The following EPB41L4A variants were observed in gnomAD, a reference collection of about 807,000 sequenced individuals.
The protein encoded by EPB41L4A is erythrocyte membrane protein band 4.1 like 4A, also known as band 4.1-like protein 4A.
In EPB41L4A, 100 loss-of-function variants were observed where a neutral mutation model predicts 108.6. The observed-to-expected ratio is 0.92, with a 90% CI of 0.78 to 1.09. The LOEUF (loss-of-function observed/expected upper bound fraction) is 1.09, where lower values mean the gene tolerates loss of function less well. EPB41L4A is among the 50% of genes least tolerant of loss of function. The pLI, the probability that EPB41L4A is intolerant of heterozygous loss-of-function variation, is 0.00. For missense variants in EPB41L4A, 1,030 were observed against 842.7 expected (o/e 1.22, Z -2.75); for synonymous variants, 319 against 289.0 (o/e 1.10, Z -1.05).
chr5:112,409,759 C>G (rs575034785), intron 1 of EPB41L4A, among the ~76,000 whole-genome samples: 1 of 152,230 alleles, frequency 6.6e-6, no homozygotes, highest in African/African-American at 2.4e-5. Context: ...CAGCTGCTAC[C>G]ACTCACCGGG....
chr5:112,384,765 C>T lies in EPB41L4A; in HGVS notation c.99+34176G>A, dbSNP rs916710684. Among the ~76,000 whole-genome samples the T allele has an allele frequency of 6.0e-5, 8 of 133,992 alleles. No individual in the cohort carries two copies. In the East Asian group the frequency reaches 6.5e-4, roughly 11 times the overall value. 87.9% of individuals were successfully genotyped at this position (133,992 alleles called of 152,430 possible). A position where few individuals can be genotyped will look rare whatever the true frequency, so the allele number is the denominator to read the frequency against. On this transcript the variant is annotated intron_variant, in intron 1 of 22. Transcript: ENST00000261486. ...AGAAAGAGAAACAAGGAAAGAGAAA[C>T]GGAAGGAAGGAAGGAAGGAGAAGAA...
chr5:112,157,247 C>T (rs926567450), intron 12 of EPB41L4A, among the ~76,000 whole-genome samples: 10 of 151,816 alleles, frequency 6.6e-5, no homozygotes, highest in Non-Finnish European at 8.8e-5. Flanking sequence ...ACTGGTTATC[C>T]CTAGAACTCA....
At chr5:112,318,472 A>G (rs961210405) in intron 1 of EPB41L4A, among the ~76,000 whole-genome samples, 20 of 152,208 alleles carry the variant, frequency 1.3e-4, no homozygotes, top group African/African-American at 4.6e-4. Context: ...TTGAGAATAC[A>G]TAAGAAGTTG....
upstream of EPB41L4A, chr5:112,419,391 G>A (rs1195317071): frequency 8.4e-6 from 3 of 356,718 alleles, no homozygotes; most frequent in Non-Finnish European, 1.6e-5. Context: ...TCCTGGCACT[G>A]GGGGCAAGAG....
intron 9 of EPB41L4A, chr5:112,257,247 A>C (rs1751162591): frequency 6.6e-6 from 1 of 152,238 alleles, no homozygotes; most frequent in Non-Finnish European, 1.5e-5. Context: ...TACTTAGGAA[A>C]CAGAATGCTT....
At chr5:112,380,199 G>A (rs750208189) in intron 1 of EPB41L4A, among the ~76,000 whole-genome samples, 1 of 152,060 alleles carries the variant, frequency 6.6e-6, no homozygotes, top group African/African-American at 2.4e-5. Flanking sequence ...GAAGAAACTC[G>A]TGCTACCAAA....
chr5:112,161,207 C>T, downstream of EPB41L4A: 1 of 206,614 alleles, frequency 4.8e-6, no homozygotes, highest in South Asian at 5.0e-5. Flanking sequence ...GCTTGCCCTG[C>T]CCCCGTATAA....
chr5:112,274,740 TG>T lies in EPB41L4A; in HGVS notation c.335+585del, dbSNP rs1405495083. On this transcript the variant is annotated intron_variant, in intron 4 of 22. Coordinates refer to ENST00000261486, the MANE Select transcript of EPB41L4A (RefSeq NM_022140.5). ...GTTCCTTATGAGCCCTTTCAGTTGTTGACATGTACTATTTTGACAACCTAAT... is the reference window on the plus strand; with the variant it reads ...GTTCCTTATGAGCCCTTTCAGTTGTTACATGTACTATTTTGACAACCTAAT... Among the ~76,000 whole-genome samples the T allele has an allele frequency of 1.2e-4, 19 of 152,334 alleles. No individual in the cohort carries two copies. The East Asian group carries it at 3.7e-3, about 29-fold the overall frequency.
At chr5:112,347,949 G>A (rs528854152) in intron 1 of EPB41L4A, among the ~76,000 whole-genome samples, 6 of 152,076 alleles carry the variant, frequency 3.9e-5, no homozygotes, top group African/African-American at 7.2e-5. Context: ...CTTCCTCTAC[G>A]GGAAACCTTC....
intron 4 of EPB41L4A, among the ~76,000 whole-genome samples, chr5:112,274,405 A>C (rs1482437052): frequency 6.6e-6 from 1 of 152,200 alleles, no homozygotes; most frequent in African/African-American, 2.4e-5. Flanking sequence ...TGAGGCCTAA[A>C]TATGGCACTT....
At chr5:112,414,777 A>G (rs1762610105) in intron 1 of EPB41L4A, among the ~76,000 whole-genome samples, 1 of 152,224 alleles carries the variant, frequency 6.6e-6, no homozygotes, top group Non-Finnish European at 1.5e-5. Flanking sequence ...GACTTCTTGT[A>G]AAATTGAGGG....
intron 9 of EPB41L4A, among the ~76,000 whole-genome samples, chr5:112,251,659 G>A (rs774967754): frequency 8.5e-5 from 13 of 152,154 alleles, no homozygotes; most frequent in Admixed American, 2.0e-4. Context: ...GAAGCATGGC[G>A]GAACAGGGTG....
chr5:112,395,292 A>G (rs1038916955), intron 1 of EPB41L4A, among the ~76,000 whole-genome samples: 18 of 152,228 alleles, frequency 1.2e-4, no homozygotes, highest in African/African-American at 3.9e-4. Context: ...AGAAACTACC[A>G]TCAGAGTGAA....
Position 112,195,882 on chromosome 5 carries a change from TATA to T in EPB41L4A, c.1377-177_1377-175del, listed in dbSNP as rs1326881440. On this transcript the variant is annotated intron_variant, in intron 15 of 22. Transcript: ENST00000261486. The stretch of plus-strand genomic sequence containing the variant: ...CCCTACATACAACACGTCCCAGAAA[TATA>T]ATGTTAATAACATCACCTGGCCTCA... Among the ~76,000 whole-genome samples, 7 of 152,274 alleles carry T rather than the reference TATA, an allele frequency of 4.6e-5. No individual in the cohort carries two copies. The East Asian group carries it at 9.7e-4, about 21-fold the overall frequency.
chr5:112,327,632 T>G (rs983253551), intron 1 of EPB41L4A, among the ~76,000 whole-genome samples: 1 of 152,032 alleles, frequency 6.6e-6, no homozygotes, highest in African/African-American at 2.4e-5. Context: ...GGGAAGATAA[T>G]TTGAAAGCCC....
At chr5:112,413,185 G>C (rs1402467677) in intron 1 of EPB41L4A, among the ~76,000 whole-genome samples, 2 of 152,200 alleles carry the variant, frequency 1.3e-5, no homozygotes, top group Non-Finnish European at 2.9e-5. Context: ...ATTAAATTTA[G>C]AAGAGAAAGA....
chr5:112,345,405 C>G (rs996584047), intron 1 of EPB41L4A, among the ~76,000 whole-genome samples: 9 of 151,914 alleles, frequency 5.9e-5, no homozygotes, highest in Non-Finnish European at 8.8e-5. Flanking sequence ...TTTAATGACA[C>G]TTAGATATGC....
intron 1 of EPB41L4A, among the ~76,000 whole-genome samples, chr5:112,313,150 G>A (rs1182843934): frequency 6.6e-6 from 1 of 152,176 alleles, no homozygotes; most frequent in African/African-American, 2.4e-5. Context: ...AGAATATAAT[G>A]CAAAGTGATG....
intron 1 of EPB41L4A, among the ~76,000 whole-genome samples, chr5:112,308,717 A>G (rs897647439): frequency 5.9e-5 from 9 of 152,128 alleles, no homozygotes; most frequent in African/African-American, 2.2e-4. Flanking sequence ...GTACCCATGT[A>G]TTTCTCAGAG....
Sources: allele counts gnomAD v4.1 joint callset (sites outside exome capture counted in the v4.1 genomes callset), GRCh38; gene constraint gnomAD v4.1.1; transcripts MANE v1.5; gene names NCBI Gene and HGNC (gene_info 2026-07-23, HGNC 2026-07-21).